CSMD1: variants seen among roughly 807,000 people sequenced by gnomAD.
CSMD1 encodes CUB and Sushi multiple domains 1.
Under a neutral mutation model 417.5 loss-of-function variants are expected in CSMD1, and 213 were observed. The ratio of observed to expected loss-of-function variants is 0.51; its 90% confidence interval spans 0.46 to 0.57. CSMD1 has a LOEUF of 0.57. CSMD1 is among the 20% of genes least tolerant of loss of function. The pLI, the probability that CSMD1 is intolerant of heterozygous loss-of-function variation, is 0.00. For missense variants in CSMD1, 6,923 were observed against 4,529.7 expected (o/e 1.53, Z -15.17); for synonymous variants, 2,862 against 1,736.8 (o/e 1.65, Z -16.11).
At chr8:4,696,216 T>G (rs1416616668) in intron 1 of CSMD1, among the ~76,000 whole-genome samples, 1 of 152,234 alleles carries the variant, frequency 6.6e-6, no homozygotes, top group Admixed American at 6.5e-5. Context: ...TTATTTTCAG[T>G]CTATGGACAT....
intron 2 of CSMD1, among the ~76,000 whole-genome samples, chr8:4,452,271 A>G (rs1357415200): frequency 6.6e-6 from 1 of 152,196 alleles, no homozygotes; most frequent in African/African-American, 2.4e-5. Flanking sequence ...TCCTTGTCAA[A>G]GGAGGATGAC....
intron 5 of CSMD1, among the ~76,000 whole-genome samples, chr8:3,877,935 A>G (rs1457730068): frequency 6.6e-6 from 1 of 152,152 alleles, no homozygotes; most frequent in Non-Finnish European, 1.5e-5. Flanking sequence ...CCATGACCTA[A>G]AGCTTTGTCT....
intron 37 of CSMD1, among the ~76,000 whole-genome samples, chr8:3,179,106 T>C (rs189287898): frequency 0.021 from 3,168 of 150,458 alleles, 70 homozygotes; most frequent in African/African-American, 0.056. Context: ...CCACCACGCC[T>C]GGCTAATTCT....
At chr8:4,495,295 G>T (rs1292655631) in intron 2 of CSMD1, among the ~76,000 whole-genome samples, 1 of 152,188 alleles carries the variant, frequency 6.6e-6, no homozygotes, top group African/African-American at 2.4e-5. Context: ...TGATTTCTCA[G>T]CTGGGCACGG....
intron 5 of CSMD1, among the ~76,000 whole-genome samples, chr8:3,833,355 C>A (rs1172865900): frequency 2.6e-5 from 4 of 152,104 alleles, no homozygotes; most frequent in Admixed American, 6.6e-5. Context: ...ATTTTATATA[C>A]AACGGCATTT....
intron 2 of CSMD1, among the ~76,000 whole-genome samples, chr8:4,571,253 T>A (rs1318322450): frequency 6.6e-6 from 1 of 152,212 alleles, no homozygotes; most frequent in Non-Finnish European, 1.5e-5. Context: ...ATTTTGGATC[T>A]TTCCTGCTTT....
intron 5 of CSMD1, among the ~76,000 whole-genome samples, chr8:3,780,141 G>T (rs76890670): frequency 6.4e-4 from 98 of 152,228 alleles, no homozygotes; most frequent in Non-Finnish European, 1.3e-3. Context: ...CTGTGCCATC[G>T]GGGTGAAACA....
intron 3 of CSMD1, among the ~76,000 whole-genome samples, chr8:4,349,261 G>A (rs1368282129): frequency 1.3e-5 from 2 of 152,182 alleles, no homozygotes; most frequent in African/African-American, 4.8e-5. Context: ...GTACAGACCA[G>A]TGGTTTTCAA....
At chr8:4,140,521 A>G (rs1316307240) in intron 3 of CSMD1, among the ~76,000 whole-genome samples, 1 of 150,912 alleles carries the variant, frequency 6.6e-6, no homozygotes, top group Non-Finnish European at 1.5e-5. Flanking sequence ...AACAAAAATT[A>G]GCTGAGTGTG....
rs115381424 is a variant in CSMD1 at position 4,923,802 on chromosome 8, A to G, written c.85+70530T>C. Among the ~76,000 whole-genome samples, 1,515 of 152,276 alleles carry G rather than the reference A, an allele frequency of 9.9e-3. 26 individuals carry two copies. The highest frequency in any genetic ancestry group is 0.035 in the African/African-American group (1,466 of 41,552). ...GATTCAGTGTCCCAATGGTAGAAAT[A>G]TAATAATTCCAATAATGAGTTTTCA... On this transcript the variant is annotated intron_variant, in intron 1 of 69. Transcript: ENST00000635120.
chr8:4,074,152 C>T (rs1799702126), intron 3 of CSMD1, among the ~76,000 whole-genome samples: 2 of 151,982 alleles, frequency 1.3e-5, no homozygotes, highest in Non-Finnish European at 2.9e-5. Context: ...TAAACATATA[C>T]ATATAATGCA....
At chr8:4,152,741 C>A (rs147357866) in intron 3 of CSMD1, among the ~76,000 whole-genome samples, 1 of 151,204 alleles carries the variant, frequency 6.6e-6, no homozygotes, top group Non-Finnish European at 1.5e-5. Flanking sequence ...TAGATATATA[C>A]GTCCATAGTA....
At chr8:3,631,640 G>A (rs1382554223) in intron 7 of CSMD1, among the ~76,000 whole-genome samples, 2 of 152,222 alleles carry the variant, frequency 1.3e-5, no homozygotes, top group Non-Finnish European at 2.9e-5. Flanking sequence ...GATCACTGGT[G>A]ATTTTAGCCA....
intron 2 of CSMD1, among the ~76,000 whole-genome samples, chr8:4,582,574 G>T (rs183576468): frequency 6.6e-6 from 1 of 152,172 alleles, no homozygotes; most frequent in Non-Finnish European, 1.5e-5. Context: ...AAGCTCCAAA[G>T]CCCACAGCTG....
chr8:4,714,666 T>A (rs142091822), intron 1 of CSMD1, among the ~76,000 whole-genome samples: 6 of 152,238 alleles, frequency 3.9e-5, no homozygotes, highest in Non-Finnish European at 7.4e-5. Context: ...TACTTGTCTT[T>A]AATTTCATTT....
intron 2 of CSMD1, among the ~76,000 whole-genome samples, chr8:4,554,629 A>T (rs1184715615): frequency 6.6e-6 from 1 of 152,200 alleles, no homozygotes; most frequent in Non-Finnish European, 1.5e-5. Context: ...ATTTTACCTT[A>T]TTGCTAAGTT....
chr8:3,916,520 G>T (rs926338897), intron 5 of CSMD1, among the ~76,000 whole-genome samples: 2 of 152,136 alleles, frequency 1.3e-5, no homozygotes, highest in African/African-American at 4.8e-5. Context: ...CCTACTTAGG[G>T]ATACGCCTAG....
chr8:3,889,665 C>T (rs1806820332), intron 5 of CSMD1, among the ~76,000 whole-genome samples: 1 of 151,258 alleles, frequency 6.6e-6, no homozygotes, highest in African/African-American at 2.4e-5. Flanking sequence ...GTCCTATCTA[C>T]TGTCTATCTG....
chr8:3,002,452 C>A (rs148996675), intron 52 of CSMD1, among the ~76,000 whole-genome samples: 2 of 152,270 alleles, frequency 1.3e-5, no homozygotes, highest in African/African-American at 2.4e-5. Context: ...CATAGAATAG[C>A]TAGTTTCTAG....
Sources: allele counts gnomAD v4.1 joint callset (sites outside exome capture counted in the v4.1 genomes callset), GRCh38; gene constraint gnomAD v4.1.1; transcripts MANE v1.5; gene names NCBI Gene and HGNC (gene_info 2026-07-23, HGNC 2026-07-21).